The following TMLHE variants were observed in gnomAD, a reference collection of about 807,000 sequenced individuals.
TMLHE encodes the protein trimethyllysine dioxygenase, mitochondrial.
TMLHE carries 18 observed loss-of-function variants against 25.7 expected under a neutral mutation model. The ratio of observed to expected loss-of-function variants is 0.70; its 90% CI spans 0.48 to 1.04. The LOEUF is 1.04. Ranked by LOEUF, TMLHE falls within the 50% of genes least tolerant of loss-of-function variation. The probability of loss-of-function intolerance (pLI) is 0.00; values close to 1 mark genes in which losing one functional copy is unlikely to be tolerated. For missense variants in TMLHE, 236 were observed against 259.0 expected, an observed-to-expected ratio of 0.91 and a Z score of 0.61; for synonymous variants, 105 against 97.0, an observed-to-expected ratio of 1.08 and a Z score of -0.49.
At chrX:155,587,703 A>G (rs1470039189) in intron 1 of TMLHE, among the ~76,000 whole-genome samples, 1 of 112,287 alleles carries the variant, frequency 8.9e-6, no homozygotes, top group East Asian at 2.8e-4. Context: ...AGTAGTGTTT[A>G]TATATGCCAA....
At chrX:155,547,622 A>T (rs2067360219) in intron 1 of TMLHE, among the ~76,000 whole-genome samples, 1 of 110,727 alleles carries the variant, frequency 9.0e-6, no homozygotes, top group Admixed American at 9.6e-5. Context: ...TAAGAAGTTA[A>T]CCATGCCTGA....
chrX:155,553,847 CAT>C lies in TMLHE; in HGVS notation c.-1-8572_-1-8571del, dbSNP rs782530153. ...TTAGTGATTATTCTATGAATAATAA[CAT>C]ATATATATGACATATTAAAGTGTAG... On this transcript the variant is annotated intron_variant, in intron 1 of 7. Coordinates refer to ENST00000334398, the MANE Select transcript of TMLHE (RefSeq NM_018196.4). Among the ~76,000 whole-genome samples the C allele has an allele frequency of 7.3e-5, 8 of 110,015 alleles. 1 individual carries two copies. Among genetic ancestry groups the C allele is most frequent in the African/African-American group, 1.3e-4 (4 of 30,022 alleles).
intron 1 of TMLHE, among the ~76,000 whole-genome samples, chrX:155,559,712 C>T (rs2067481652): frequency 8.9e-6 from 1 of 112,193 alleles, no homozygotes; most frequent in African/African-American, 3.2e-5. Flanking sequence ...TAGCTCCTGT[C>T]AATTTTTCCT....
intron 1 of TMLHE, among the ~76,000 whole-genome samples, chrX:155,560,579 GAGTTA>G: frequency 2.8e-5 from 1 of 36,128 alleles, no homozygotes; most frequent in African/African-American, 4.7e-5. Context: ...ATCAAAGGAG[GAGTTA>G]GTCATAAGGA....
chrX:155,587,501 G>A (rs781907938), intron 1 of TMLHE, among the ~76,000 whole-genome samples: 1 of 111,388 alleles, frequency 9.0e-6, no homozygotes, highest in East Asian at 2.8e-4. Context: ...CATAATACTG[G>A]AAGTGCTAGC....
At chrX:155,554,358 A>C (rs2067434450) in intron 1 of TMLHE, among the ~76,000 whole-genome samples, 1 of 110,431 alleles carries the variant, frequency 9.1e-6, no homozygotes, top group Non-Finnish European at 1.9e-5. Flanking sequence ...ACCATCTAAA[A>C]ACATCTATTT....
chrX:155,560,365 A>G (rs1231591319), intron 1 of TMLHE, among the ~76,000 whole-genome samples: 1 of 110,423 alleles, frequency 9.1e-6, no homozygotes, highest in Admixed American at 9.8e-5. Flanking sequence ...TGTTTTAGGC[A>G]CTAGGGATAT....
intron 1 of TMLHE, among the ~76,000 whole-genome samples, chrX:155,580,697 C>T (rs2067620980): frequency 9.0e-6 from 1 of 111,556 alleles, no homozygotes; most frequent in Admixed American, 9.5e-5. Flanking sequence ...CATGTGGCAG[C>T]AGACAAGAGA....
intron 1 of TMLHE, among the ~76,000 whole-genome samples, chrX:155,576,509 C>A (rs1557343793): frequency 9.0e-6 from 1 of 111,491 alleles, no homozygotes; most frequent in Admixed American, 9.6e-5. Flanking sequence ...GAAAAAAAAT[C>A]TAAAATTCAT....
chrX:155,585,048 A>G (rs192520768), intron 1 of TMLHE, among the ~76,000 whole-genome samples: 1 of 112,091 alleles, frequency 8.9e-6, no homozygotes, highest in East Asian at 2.8e-4. Context: ...AGAGAAAACA[A>G]AAGGAACAAA....
chrX:155,539,366 C>G (rs1009014954), intron 2 of TMLHE, among the ~76,000 whole-genome samples: 1 of 111,235 alleles, frequency 9.0e-6, no homozygotes, highest in Non-Finnish European at 1.9e-5. Context: ...CTCCAATACC[C>G]TAGTTTACTA....
At chrX:155,555,718 G>GTTGT (rs1557340692) in intron 1 of TMLHE, among the ~76,000 whole-genome samples, 1 of 110,408 alleles carries the variant, frequency 9.1e-6, no homozygotes, top group African/African-American at 3.3e-5. Context: ...TTTTGATGGG[G>GTTGT]TTGTTTTTTT....
intron 2 of TMLHE, among the ~76,000 whole-genome samples, chrX:155,542,659 G>A (rs942810112): frequency 6.3e-5 from 7 of 111,696 alleles, no homozygotes; most frequent in Admixed American, 1.9e-4. Context: ...GTATGAAAAA[G>A]TCTTTATCTC....
At chrX:155,554,557 T>C (rs2067436171) in intron 1 of TMLHE, among the ~76,000 whole-genome samples, 1 of 110,933 alleles carries the variant, frequency 9.0e-6, no homozygotes. Flanking sequence ...TTTAAGACTT[T>C]TTTTTCTTTA....
intron 2 of TMLHE, among the ~76,000 whole-genome samples, chrX:155,525,681 C>T (rs1329285334): frequency 4.5e-5 from 5 of 111,836 alleles, no homozygotes; most frequent in Non-Finnish European, 9.4e-5. Context: ...ATGCTGATAG[C>T]GATGCAAACT....
chrX:155,548,535 GCCAGCCTGACTAACATGGTGAAAC>G (rs2067379103), intron 1 of TMLHE, among the ~76,000 whole-genome samples: 2 of 109,143 alleles, frequency 1.8e-5, no homozygotes, highest in African/African-American at 6.8e-5. Flanking sequence ...GCAGTATGAG[GCCAGCCTGACTAACATGGTGAAAC>G]CCTGTCTCTA....
chrX:155,513,744 C>T (rs1557334182), intron 4 of TMLHE, among the ~76,000 whole-genome samples: 3 of 110,462 alleles, frequency 2.7e-5, no homozygotes, highest in Non-Finnish European at 3.8e-5. Flanking sequence ...CACTTGGGAT[C>T]ACTGGGCTAG....
At chrX:155,548,375 TTGC>T (rs2067370278) in intron 1 of TMLHE, among the ~76,000 whole-genome samples, 2 of 111,977 alleles carry the variant, frequency 1.8e-5, no homozygotes, top group Non-Finnish European at 3.8e-5. Context: ...ATCAAGCAAT[TTGC>T]AAACTGGCAG....
At chrX:155,554,393 A>G (rs1021240894) in intron 1 of TMLHE, among the ~76,000 whole-genome samples, 1 of 110,909 alleles carries the variant, frequency 9.0e-6, no homozygotes, top group Non-Finnish European at 1.9e-5. Flanking sequence ...AAGGCTGGAT[A>G]TAGAATTTAC....
Sources: gnomAD v4.1 joint callset for allele counts (sites outside exome capture counted in the v4.1 genomes callset) on GRCh38, gnomAD v4.1.1 for gene constraint, MANE v1.5 for transcripts, NCBI Gene and HGNC (gene_info 2026-07-23, HGNC 2026-07-21) for gene names.